WRN: variants seen among roughly 807,000 people sequenced by gnomAD.
WRN encodes WRN RecQ like helicase, also known as bifunctional 3'-5' exonuclease/ATP-dependent helicase WRN.
WRN carries 149 observed loss-of-function variants against 180.7 expected under a neutral mutation model. The observed-to-expected ratio is 0.82, with a 90% CI of 0.72 to 0.94. The LOEUF (loss-of-function observed/expected upper bound fraction) is 0.94, where lower values mean the gene tolerates loss of function less well. WRN is among the 40% of genes least tolerant of loss of function. The pLI is 0.00. For synonymous variants in WRN, 548 were observed against 568.9 expected (o/e 0.96, Z 0.52); for missense variants, 1,661 against 1,700.1 (o/e 0.98, Z 0.40).
Position 31,120,144 on chromosome 8 carries a change from CTTAAG to C in WRN, c.2449-94_2449-90del, listed in dbSNP as rs1469893963. 1.1e-5 allele frequency: 15 copies of C among 1,427,064 alleles called. No individual in the cohort carries two copies. In the East Asian group the frequency reaches 2.3e-4, roughly 22 times the overall value. The allele number at this position is 1,427,064 out of a possible 1,614,324, so 88.4% of individuals were successfully genotyped here. ...ATTGAATTCCACTTTGTGCCAGGGA[CTTAAG>C]TTAACGAACAAATTATTCTTACAAA... is the stretch of plus-strand genomic sequence containing the variant. On this transcript the variant is annotated intron_variant, in intron 20 of 34. Transcript: ENST00000298139.
At chr8:31,093,243 G>T (rs1215392703) in intron 16 of WRN, among the ~76,000 whole-genome samples, 9 of 152,138 alleles carry the variant, frequency 5.9e-5, no homozygotes, top group African/African-American at 1.9e-4. Flanking sequence ...TGGACATATG[G>T]TTTCATTTTA....
chr8:31,044,287 C>A lies in WRN; in HGVS notation c.-77+10314C>A, dbSNP rs188534534. 1.1e-4 allele frequency among the ~76,000 whole-genome samples: 17 copies of A among 151,216 alleles called. No individual in the cohort carries two copies. In the South Asian group the frequency reaches 3.6e-3, roughly 32 times the overall value. On this transcript the variant is annotated intron_variant, in intron 1 of 34. Transcript: ENST00000298139. ...CAATCTCCTGACCTTGTTATCTGCC[C>A]GCCTTGGCTTCCCAAAGTGCTAGGA...
Position 31,124,907 on chromosome 8 carries a change from G to A in WRN, c.2733-1G>A, listed in dbSNP as rs754056304. The A allele has an allele frequency of 6.2e-7, 1 of 1,612,506 alleles. No homozygotes were observed. The highest frequency in any genetic ancestry group is 8.5e-7 in the Non-Finnish European group (1 of 1,179,134). ...TTAATTTAAAATTTTGTCTTGGGTA[G>A]AATCATCTTGTCTCATTTTGAGGAC... On this transcript the variant is annotated splice_acceptor_variant, in intron 22 of 34. Transcript: ENST00000298139. LOFTEE classifies it high-confidence loss of function.
chr8:31,168,970 G>A (rs1233879910), intron 34 of WRN, among the ~76,000 whole-genome samples: 1 of 151,968 alleles, frequency 6.6e-6, no homozygotes, highest in African/African-American at 2.4e-5. Context: ...GGTACATGGT[G>A]GATTCTTTAA....
Position 31,087,095 on chromosome 8 carries a change from G to T in WRN, c.1432-681G>T, listed in dbSNP as rs891870005. Among the ~76,000 whole-genome samples, 4 of 151,326 alleles carry T rather than the reference G, an allele frequency of 2.6e-5. 1 individual carries two copies. Among genetic ancestry groups the T allele is most frequent in the African/African-American group, 7.3e-5 (3 of 41,154 alleles). On this transcript the variant is annotated intron_variant, in intron 11 of 34. Coordinates refer to ENST00000298139, the MANE Select transcript of WRN (RefSeq NM_000553.6). ...TTCAAAATGAAAATATTAAATAAAA[G>T]ATTTAATAAAAAGAGAAAGTAAAAA...
intron 18 of WRN, among the ~76,000 whole-genome samples, chr8:31,102,143 A>G (rs1800899375): frequency 6.6e-6 from 1 of 152,204 alleles, no homozygotes; most frequent in Admixed American, 6.5e-5. Flanking sequence ...ACATTTGTGT[A>G]ACTACCACTG....
intron 1 of WRN, among the ~76,000 whole-genome samples, chr8:31,041,284 A>C (rs1811646479): frequency 6.6e-6 from 1 of 152,218 alleles, no homozygotes; most frequent in South Asian, 2.1e-4. Context: ...TGAAGGCAGG[A>C]GAAGACCAAT....
At chr8:31,083,550 T>C in intron 9 of WRN, 149 bp from the exon 10 acceptor site, 1 of 397,570 alleles carries the variant, frequency 2.5e-6, no homozygotes, top group Non-Finnish European at 4.6e-6. Flanking sequence ...CTTTTTTATC[T>C]ATCATATAAA....
intron 11 of WRN, among the ~76,000 whole-genome samples, chr8:31,087,381 C>T (rs1813572948): frequency 6.6e-6 from 1 of 152,156 alleles, no homozygotes; most frequent in African/African-American, 2.4e-5. Context: ...AAGAATGCGA[C>T]TGACACATGA....
chr8:31,129,893 T>C lies in WRN; in HGVS notation c.2826-2472T>C, dbSNP rs774439729. 9.5e-4 allele frequency among the ~76,000 whole-genome samples: 144 copies of C among 151,352 alleles called. 1 individual carries two copies. The highest frequency in any genetic ancestry group is 1.2e-3 in the Non-Finnish European group (81 of 67,936). On this transcript the variant is annotated intron_variant, in intron 23 of 34. Coordinates refer to ENST00000298139, the MANE Select transcript of WRN (RefSeq NM_000553.6). ...GGTGGCACGCGCCTGTAGTCCCAGC[T>C]ACTTGGGAGGCTGAGGCAGGAGAAT...
chr8:31,167,230 G>T lies in WRN; in HGVS notation c.4191G>T (p.Glu1397Asp), dbSNP rs369276959. 3 of 1,609,610 alleles carry T rather than the reference G, an allele frequency of 1.9e-6. No individual in the cohort carries two copies. Among genetic ancestry groups the T allele is most frequent in the East Asian group, 2.2e-5 (1 of 44,740 alleles). ...AGGAAGAAGTAGGCATCAATACTGA[G>T]GTATTAATTATATATAGAATTTTCA... is the stretch of plus-strand genomic sequence containing the variant. Reference protein sequence around the residue: ...RSKEEVGINTETSSAERKRRL... With the variant: ...RSKEEVGINTDTSSAERKRRL... Residue 1397 changes from glutamate (E) to aspartate (D), a missense_variant and splice_region_variant, in exon 34 of 35, where the codon GAG becomes GAT. Coordinates refer to ENST00000298139, the MANE Select transcript of WRN (RefSeq NM_000553.6).
In WRN at chr8:31,124,915, T is replaced by C. The variant is rs751304410; in HGVS notation, c.2740T>C (p.Leu914=). Reference sequence around the variant, plus strand: ...AAATTTTGTCTTGGGTAGAATCATCTTGTCTCATTTTGAGGACAAACAAGT... The same window carrying C: ...AAATTTTGTCTTGGGTAGAATCATCCTGTCTCATTTTGAGGACAAACAAGT... ...HSSRCRRQII[L]SHFEDKQVQK... is the part of the protein sequence containing the mutation. Residue 914 remains leucine, a synonymous_variant, in exon 23 of 35, where the codon TTG becomes CTG. Transcript: ENST00000298139. 1.2e-6 allele frequency: 2 copies of C among 1,612,964 alleles called. No homozygotes were observed. Among genetic ancestry groups the C allele is most frequent in the South Asian group, 2.2e-5 (2 of 90,854 alleles).
chr8:31,122,077 T>A (rs1801744359), intron 21 of WRN, among the ~76,000 whole-genome samples: 2 of 152,042 alleles, frequency 1.3e-5, no homozygotes, highest in South Asian at 4.1e-4. Flanking sequence ...CTTGTTTCTC[T>A]GGGTCTTAAA....
At position 31,167,074 on chromosome 8, in the gene WRN, G is replaced by GTACC; in HGVS notation, c.4037_4040dup (p.Ile1348ProfsTer7). On this transcript the variant is annotated frameshift_variant, in exon 34 of 35. Transcript: ENST00000298139. LOFTEE classifies it high-confidence loss of function. ...TGTTAGTTCCTGAAAACATTGACAC[G>GTACC]TACCTTATCCACATGGCAATTGAGA... 3 of 1,613,138 alleles carry GTACC rather than the reference G, an allele frequency of 1.9e-6. No homozygotes were observed. The highest frequency in any genetic ancestry group is 2.5e-6 in the Non-Finnish European group (3 of 1,179,434).
At position 31,175,713 on chromosome 8, in the gene WRN, C is replaced by T. The variant is rs1804255489; in HGVS notation, c.*2611C>T. ...GTCAGATTTTTTTCATATACTTCAG[C>T]CAAAACAGCATATCAAAATGGATTG... On this transcript the variant is annotated 3_prime_UTR_variant, in exon 35 of 35. Coordinates refer to ENST00000298139, the MANE Select transcript of WRN (RefSeq NM_000553.6). Among the ~76,000 whole-genome samples the T allele has an allele frequency of 6.6e-6, 1 of 152,118 alleles. No homozygotes were observed. The highest frequency in any genetic ancestry group is 2.4e-5 in the African/African-American group (1 of 41,422).
chr8:31,119,140 T>C (rs1438138708), intron 20 of WRN, among the ~76,000 whole-genome samples: 1 of 151,952 alleles, frequency 6.6e-6, no homozygotes, highest in East Asian at 1.9e-4. Context: ...TACTTTCTTT[T>C]ACTTACTCAG....
chr8:31,049,234 A>G lies in WRN; in HGVS notation c.-76-9138A>G, dbSNP rs545319348. Reference sequence around the variant, plus strand: ...TCAAAAAAAAAAAAAAAAAAAAAAAAAAAGAAAGAAAATAGGCCCAGCAAG... The same window carrying G: ...TCAAAAAAAAAAAAAAAAAAAAAAAGAAAGAAAGAAAATAGGCCCAGCAAG... On this transcript the variant is annotated intron_variant, in intron 1 of 34. Coordinates refer to ENST00000298139, the MANE Select transcript of WRN (RefSeq NM_000553.6). 1.1e-3 allele frequency among the ~76,000 whole-genome samples: 168 copies of G among 149,886 alleles called. 1 individual carries two copies. Among genetic ancestry groups the G allele is most frequent in the African/African-American group, 3.7e-3 (153 of 41,068 alleles).
intron 3 of WRN, among the ~76,000 whole-genome samples, chr8:31,060,982 T>G (rs1812465694): frequency 6.6e-6 from 1 of 152,194 alleles, no homozygotes; most frequent in South Asian, 2.1e-4. Flanking sequence ...TTCGTTGAAT[T>G]TTTTTGATCT....
At chr8:31,099,323 G>T (rs1814117967) in intron 17 of WRN, among the ~76,000 whole-genome samples, 1 of 151,766 alleles carries the variant, frequency 6.6e-6, no homozygotes, top group Non-Finnish European at 1.5e-5. Context: ...AGAATGGCAT[G>T]AACCCGGGAG....
Sources: gnomAD v4.1 joint callset for allele counts (sites outside exome capture counted in the v4.1 genomes callset) on GRCh38, gnomAD v4.1.1 for gene constraint, MANE v1.5 for transcripts, NCBI Gene and HGNC (gene_info 2026-07-23, HGNC 2026-07-21) for gene names.